The following KCTD16 variants were observed in gnomAD, a reference collection of about 807,000 sequenced individuals.
KCTD16 encodes potassium channel tetramerization domain containing 16.
KCTD16 carries 13 observed loss-of-function variants against 33.2 expected under a neutral mutation model. That is an observed-to-expected ratio of 0.39 (90% CI 0.25 to 0.62). KCTD16 has a LOEUF of 0.62. Among genes scored for constraint, KCTD16 ranks in the 20% least tolerant of loss-of-function variants. KCTD16 has a pLI of 0.50. For synonymous variants in KCTD16, 197 were observed against 195.3 expected, an observed-to-expected ratio of 1.01 and a Z score of -0.07; for missense variants, 441 against 525.1, an observed-to-expected ratio of 0.84 and a Z score of 1.57.
chr5:144,414,258 G>A (rs1752998083), intron 3 of KCTD16, among the ~76,000 whole-genome samples: 1 of 152,102 alleles, frequency 6.6e-6, no homozygotes, highest in South Asian at 2.1e-4. Flanking sequence ...ACATTGTATA[G>A]TATTATAAAA....
At chr5:144,383,307 C>T (rs1166568771) in intron 3 of KCTD16, among the ~76,000 whole-genome samples, 1 of 152,142 alleles carries the variant, frequency 6.6e-6, no homozygotes, top group South Asian at 2.1e-4. Flanking sequence ...CATTTCTCTG[C>T]GTCAGAGCTG....
At chr5:144,280,843 C>A (rs1019462297) in intron 3 of KCTD16, among the ~76,000 whole-genome samples, 1 of 151,186 alleles carries the variant, frequency 6.6e-6, no homozygotes, top group Non-Finnish European at 1.5e-5. Context: ...AGGAGAATGG[C>A]GTGAACCCGG....
intron 3 of KCTD16, among the ~76,000 whole-genome samples, chr5:144,472,752 A>T (rs537261746): frequency 6.6e-6 from 1 of 152,366 alleles, no homozygotes; most frequent in African/African-American, 2.4e-5. Flanking sequence ...GTGCAATAAT[A>T]GAGGTATTTA....
chr5:144,233,259 T>C (rs1754158867), intron 3 of KCTD16, among the ~76,000 whole-genome samples: 1 of 152,146 alleles, frequency 6.6e-6, no homozygotes, highest in African/African-American at 2.4e-5. Flanking sequence ...GTTGTTATGG[T>C]AGGCACCAGC....
intron 3 of KCTD16, among the ~76,000 whole-genome samples, chr5:144,331,626 C>T (rs1561570187): frequency 2.0e-5 from 3 of 152,118 alleles, no homozygotes; most frequent in Non-Finnish European, 2.9e-5. Flanking sequence ...GATTTGAAGA[C>T]TCTGAGCTCT....
chr5:144,296,616 G>T (rs751180593), intron 3 of KCTD16, among the ~76,000 whole-genome samples: 1 of 152,074 alleles, frequency 6.6e-6, no homozygotes, highest in Non-Finnish European at 1.5e-5. Flanking sequence ...TATTCTAAGT[G>T]CCTGAGTTGT....
At chr5:144,450,552 C>T (rs1299137800) in intron 3 of KCTD16, among the ~76,000 whole-genome samples, 2 of 151,942 alleles carry the variant, frequency 1.3e-5, no homozygotes, top group Non-Finnish European at 2.9e-5. Context: ...AACCCAAATG[C>T]CCATCAACAG....
chr5:144,334,933 C>T (rs1159541644), intron 3 of KCTD16, among the ~76,000 whole-genome samples: 5 of 152,028 alleles, frequency 3.3e-5, no homozygotes, highest in Non-Finnish European at 5.9e-5. Flanking sequence ...TGTACTACCA[C>T]ACCTGGCTAA....
At chr5:144,303,930 G>T (rs1266067548) in intron 3 of KCTD16, among the ~76,000 whole-genome samples, 1 of 152,160 alleles carries the variant, frequency 6.6e-6, no homozygotes, top group African/African-American at 2.4e-5. Flanking sequence ...GCCTATAGAT[G>T]TCACAGCCTT....
intron 3 of KCTD16, among the ~76,000 whole-genome samples, chr5:144,327,733 G>A (rs1349463497): frequency 6.6e-6 from 1 of 152,098 alleles, no homozygotes; most frequent in Admixed American, 6.6e-5. Context: ...TTTAATATAT[G>A]TAGGATGTAA....
Position 144,331,973 on chromosome 5 carries a change from A to G in KCTD16, c.832+124427A>G, listed in dbSNP as rs180825792. On this transcript the variant is annotated intron_variant, in intron 3 of 3. Coordinates refer to ENST00000512467, the MANE Select transcript of KCTD16 (RefSeq NM_020768.4). ...AATTGTGACCCTCTTGACCATTGAT[A>G]TTATAGAAAGATGGCAGAAATTCTT... 4.6e-5 allele frequency among the ~76,000 whole-genome samples: 7 copies of G among 152,320 alleles called. No homozygotes were observed. In the East Asian group the frequency reaches 1.2e-3, roughly 25 times the overall value.
At chr5:144,218,352 A>G (rs573717178) in intron 3 of KCTD16, among the ~76,000 whole-genome samples, 77 of 152,250 alleles carry the variant, frequency 5.1e-4, no homozygotes, top group Middle Eastern at 3.4e-3. Flanking sequence ...AGAGGAGAAA[A>G]TATTTAAATC....
intron 3 of KCTD16, among the ~76,000 whole-genome samples, chr5:144,350,344 A>C (rs1751389251): frequency 6.6e-6 from 1 of 152,234 alleles, no homozygotes; most frequent in South Asian, 2.1e-4. Context: ...ATAAGAAGAA[A>C]AATAAATATT....
At chr5:144,448,316 T>G (rs1753867026) in intron 3 of KCTD16, among the ~76,000 whole-genome samples, 1 of 152,100 alleles carries the variant, frequency 6.6e-6, no homozygotes, top group South Asian at 2.1e-4. Context: ...AATCTAGATT[T>G]TGTTTCTTTC....
At chr5:144,393,572 AGTGT>A (rs747901288) in intron 3 of KCTD16, among the ~76,000 whole-genome samples, 1 of 151,438 alleles carries the variant, frequency 6.6e-6, no homozygotes, top group Non-Finnish European at 1.5e-5. Flanking sequence ...AGAGAGTGTG[AGTGT>A]GTGTGTGTGT....
At chr5:144,219,605 C>T (rs1399730336) in intron 3 of KCTD16, among the ~76,000 whole-genome samples, 2 of 149,914 alleles carry the variant, frequency 1.3e-5, no homozygotes, top group Non-Finnish European at 3.0e-5. Context: ...ACTGCAACCT[C>T]CGCCTCTCGG....
chr5:144,189,795 G>A (rs1016905646), intron 2 of KCTD16, among the ~76,000 whole-genome samples: 4 of 152,018 alleles, frequency 2.6e-5, no homozygotes, highest in African/African-American at 9.7e-5. Context: ...AATTCACATG[G>A]TTGCCATATT....
intron 3 of KCTD16, among the ~76,000 whole-genome samples, chr5:144,394,022 C>T (rs1420603330): frequency 6.3e-5 from 9 of 143,084 alleles, no homozygotes; most frequent in African/African-American, 2.4e-4. Context: ...TGGTCGGGAA[C>T]CCAAATAAGC....
chr5:144,427,692 A>G (rs979767024), intron 3 of KCTD16, among the ~76,000 whole-genome samples: 1 of 152,136 alleles, frequency 6.6e-6, no homozygotes, highest in Non-Finnish European at 1.5e-5. Context: ...GGTATGGAGT[A>G]CAGCCTGGGT....
Sources: gnomAD v4.1 joint callset for allele counts (sites outside exome capture counted in the v4.1 genomes callset) on GRCh38, gnomAD v4.1.1 for gene constraint, MANE v1.5 for transcripts, NCBI Gene and HGNC (gene_info 2026-07-23, HGNC 2026-07-21) for gene names.